The following SYNE1 variants were observed in gnomAD, a reference collection of about 807,000 sequenced individuals.
The protein encoded by SYNE1 is spectrin repeat containing nuclear envelope protein 1.
In SYNE1, 616 loss-of-function variants were observed where a neutral mutation model predicts 1,111.0. The observed-to-expected ratio is 0.55, with a 90% confidence interval of 0.52 to 0.59. The LOEUF (loss-of-function observed/expected upper bound fraction) is 0.59, where lower values mean the gene tolerates loss of function less well. Ranked by LOEUF, SYNE1 falls within the 20% of genes least tolerant of loss-of-function variation. The probability of loss-of-function intolerance (pLI) is 0.00; values close to 1 mark genes in which losing one functional copy is unlikely to be tolerated. For synonymous variants in SYNE1, 3,855 were observed against 3,825.8 expected (o/e 1.01, Z -0.28); for missense variants, 10,006 against 10,417.0 (o/e 0.96, Z 1.72).
rs1381582828 is a variant in SYNE1, at chr6:152,325,828, A to T, written c.15438+130T>A. On this transcript the variant is annotated intron_variant, in intron 80 of 145. Transcript: ENST00000367255. ...ATTTAATAAACTTAAAACTTCTATA[A>T]AATGTTGTTAAATGCATCCTTATCA... 13 of 1,144,074 alleles carry T rather than the reference A, an allele frequency of 1.1e-5. No homozygotes were observed. In the African/African-American group the frequency reaches 2.2e-4, roughly 20 times the overall value. The allele number at this position is 1,144,074 out of a possible 1,614,324, so 70.9% of individuals were successfully genotyped here. A position where few individuals can be genotyped will look rare whatever the true frequency, so the allele number is the denominator to read the frequency against.
intron 137 of SYNE1, chr6:152,145,978 T>C: frequency 4.2e-6 from 1 of 237,946 alleles, no homozygotes; most frequent in Non-Finnish European, 8.1e-6. Context: ...TGAGCCGAGA[T>C]TGTGCCACTG....
intron 3 of SYNE1, among the ~76,000 whole-genome samples, chr6:152,626,272 A>G (rs1284620619): frequency 7.2e-6 from 1 of 138,834 alleles, no homozygotes; most frequent in East Asian, 2.6e-4. Flanking sequence ...TGCAACTTTC[A>G]CTTATGGTCA....
rs1284095087 is a variant in SYNE1, at chr6:152,189,255, G to A, written c.23298C>T (p.His7766=). Residue 7766 remains histidine (H), a synonymous_variant, in exon 128 of 146, where the codon CAC becomes CAT. Coordinates refer to ENST00000367255, the MANE Select transcript of SYNE1 (RefSeq NM_182961.4). Reference sequence around the variant, plus strand: ...CCATTTTTAGAACTTATCTTACCTGGTGGCATAGTTCTTCCCACTGCCTTT... The same window carrying A: ...CCATTTTTAGAACTTATCTTACCTGATGGCATAGTTCTTCCCACTGCCTTT... ...LLQRQWEELC[H]QLSLRRQQIG... The A allele has an allele frequency of 1.2e-6, 2 of 1,613,304 alleles. No individual in the cohort carries two copies. Among genetic ancestry groups the A allele is most frequent in the East Asian group, 2.2e-5 (1 of 44,842 alleles).
intron 3 of SYNE1, among the ~76,000 whole-genome samples, chr6:152,547,221 A>T (rs539969050): frequency 6.6e-6 from 1 of 152,344 alleles, no homozygotes; most frequent in Non-Finnish European, 1.5e-5. Flanking sequence ...TGCACAGGAA[A>T]AGCTAACCAA....
intron 104 of SYNE1, among the ~76,000 whole-genome samples, chr6:152,253,427 C>T (rs1354781086): frequency 6.6e-6 from 1 of 152,158 alleles, no homozygotes; most frequent in Non-Finnish European, 1.5e-5. Context: ...TTCATCCTCA[C>T]CACAGTCTAT....
intron 3 of SYNE1, among the ~76,000 whole-genome samples, chr6:152,593,910 A>G (rs888395184): frequency 1.3e-5 from 2 of 152,214 alleles, no homozygotes; most frequent in Non-Finnish European, 2.9e-5. Context: ...TCCACAAACA[A>G]GAGCTCTTTA....
intron 6 of SYNE1, chr6:152,511,730 A>G: frequency 1.2e-6 from 1 of 868,180 alleles, no homozygotes. Flanking sequence ...AAAGAAAAAC[A>G]AAGGAAAGGC....
intron 2 of SYNE1, among the ~76,000 whole-genome samples, chr6:152,629,757 G>A (rs1433614507): frequency 1.3e-5 from 2 of 152,024 alleles, no homozygotes; most frequent in African/African-American, 4.8e-5. Flanking sequence ...CCACAGGGAG[G>A]TGATACTTGA....
At chr6:152,289,589 G>A (rs537154112) in intron 95 of SYNE1, among the ~76,000 whole-genome samples, 1 of 151,888 alleles carries the variant, frequency 6.6e-6, no homozygotes, top group Non-Finnish European at 1.5e-5. Context: ...TGGGGTTTCA[G>A]CATGTTGGCC....
At chr6:152,253,315 G>T (rs925873737) in intron 104 of SYNE1, among the ~76,000 whole-genome samples, 51 of 152,140 alleles carry the variant, frequency 3.4e-4, no homozygotes, top group Admixed American at 5.9e-4. Flanking sequence ...TTTAGATCCT[G>T]TATCTCTTAT....
intron 127 of SYNE1, among the ~76,000 whole-genome samples, chr6:152,196,461 C>T (rs2074141811): frequency 6.6e-6 from 1 of 151,968 alleles, no homozygotes; most frequent in African/African-American, 2.4e-5. Context: ...ACACTGCTGA[C>T]TATCCAGGGC....
At chr6:152,254,240 TAC>T (rs2090256336) in intron 104 of SYNE1, among the ~76,000 whole-genome samples, 1 of 132,470 alleles carries the variant, frequency 7.5e-6, no homozygotes, top group Non-Finnish European at 1.6e-5. Context: ...ACTTTCTGCA[TAC>T]TCTTTTTTTT....
chr6:152,354,055 G>A (rs577449602), intron 67 of SYNE1, among the ~76,000 whole-genome samples: 34 of 152,180 alleles, frequency 2.2e-4, no homozygotes, highest in Non-Finnish European at 3.4e-4. Flanking sequence ...CAGGAGAATC[G>A]CTTGAACCCA....
intron 78 of SYNE1, among the ~76,000 whole-genome samples, chr6:152,327,902 C>A (rs987880102): frequency 3.3e-5 from 5 of 151,986 alleles, no homozygotes; most frequent in Non-Finnish European, 7.4e-5. Context: ...TAAGCAATAG[C>A]CTTGAATCAA....
chr6:152,479,215 G>A (rs962334075), intron 14 of SYNE1, among the ~76,000 whole-genome samples: 7 of 152,156 alleles, frequency 4.6e-5, no homozygotes, highest in African/African-American at 1.7e-4. Context: ...GAACCTGAGA[G>A]GTCATGATAT....
At chr6:152,235,870 T>C (rs949203321) in intron 110 of SYNE1, among the ~76,000 whole-genome samples, 2 of 152,040 alleles carry the variant, frequency 1.3e-5, no homozygotes, top group Non-Finnish European at 2.9e-5. Context: ...GCCTCTCCAA[T>C]AGCAGGGACC....
At position 152,381,135 on chromosome 6, in the gene SYNE1, G is replaced by A. The variant is rs752377208; in HGVS notation, c.8880C>T (p.Gly2960=). ...GGGCCTGCTCCAGTTGAGCCACTTG[G>A]CCTGAGAATTCCTGCTCCGAAAGGG... ...QMALSEQEFS[G]QVAQLEQALE... is the part of the protein sequence containing the mutation. Residue 2960 remains glycine (G), a synonymous_variant, in exon 56 of 146, where the codon GGC becomes GGT. Coordinates refer to ENST00000367255, the MANE Select transcript of SYNE1 (RefSeq NM_182961.4). The A allele has an allele frequency of 3.7e-6, 6 of 1,614,052 alleles. No individual in the cohort carries two copies. In the South Asian group the frequency reaches 4.4e-5, roughly 12 times the overall value.
chr6:152,612,970 A>G (rs2099636053), intron 3 of SYNE1, among the ~76,000 whole-genome samples: 1 of 152,232 alleles, frequency 6.6e-6, no homozygotes, highest in African/African-American at 2.4e-5. Flanking sequence ...AAAAATCTCA[A>G]TAAACTAGGT....
chr6:152,596,848 A>G (rs1377244600), intron 3 of SYNE1, among the ~76,000 whole-genome samples: 2 of 152,178 alleles, frequency 1.3e-5, no homozygotes, highest in East Asian at 3.8e-4. Context: ...CAGACTTTCG[A>G]ACTTACCAGA....
Sources: gnomAD v4.1 joint callset for allele counts (sites outside exome capture counted in the v4.1 genomes callset) on GRCh38, gnomAD v4.1.1 for gene constraint, MANE v1.5 for transcripts, NCBI Gene and HGNC (gene_info 2026-07-23, HGNC 2026-07-21) for gene names.